PCDHGA6: variants seen among roughly 807,000 people sequenced by gnomAD.
PCDHGA6 encodes protocadherin gamma subfamily A, 6, also known as protocadherin gamma-A6.
PCDHGA6 carries 41 observed loss-of-function variants against 60.6 expected under a neutral mutation model. That is an observed-to-expected ratio of 0.68 (90% CI 0.53 to 0.88). The LOEUF (loss-of-function observed/expected upper bound fraction) is 0.88. Ranked by LOEUF, PCDHGA6 falls within the 40% of genes least tolerant of loss-of-function variation. The probability of loss-of-function intolerance (pLI) is 0.00; values close to 1 mark genes in which losing one functional copy is unlikely to be tolerated. For synonymous variants in PCDHGA6, 594 were observed against 524.4 expected (o/e 1.13, Z -1.81); for missense variants, 1,312 against 1,203.0 (o/e 1.09, Z -1.34).
intron 1 of PCDHGA6, chr5:141,404,968 G>A: frequency 6.2e-7 from 1 of 1,613,964 alleles, no homozygotes. Context: ...CAGACATCCT[G>A]GCTGACCTGG....
intron 1 of PCDHGA6, among the ~76,000 whole-genome samples, chr5:141,459,111 A>G (rs2098961190): frequency 1.3e-5 from 2 of 152,218 alleles, no homozygotes; most frequent in Non-Finnish European, 2.9e-5. Flanking sequence ...CATTTTGACA[A>G]TTGTTTACAT....
Position 141,486,601 on chromosome 5 carries a change from C to A in PCDHGA6, c.2425-8206C>A, listed in dbSNP as rs770685748. On this transcript the variant is annotated intron_variant, in intron 1 of 3. Transcript: ENST00000517434. The surrounding 1 kb of genome is among the most constrained non-coding windows in gnomAD (Gnocchi z 5.0). ...ATCGCCCAGGGGACCTGCTTTGCTCCCTTGCAGCCTCTGACCCAGACTCTG... is the reference window on the plus strand; with the variant it reads ...ATCGCCCAGGGGACCTGCTTTGCTCACTTGCAGCCTCTGACCCAGACTCTG... The A allele has an allele frequency of 1.9e-6, 3 of 1,613,558 alleles. No homozygotes were observed. The highest frequency in any genetic ancestry group is 3.3e-5 in the Admixed American group (2 of 60,026).
In PCDHGA6 at chr5:141,374,384, C is replaced by T. The variant is rs781113576; in HGVS notation, c.301C>T (p.Arg101Trp). The change falls in exon 1 of 4, where the codon CGG becomes TGG. Residue 101 changes from arginine to tryptophan, a missense_variant. By Grantham distance (101) the Arg-to-Trp change is moderately radical (BLOSUM62 -3). Transcript: ENST00000517434. ...CGAGGAGCTCTGTGCTCAGAGCCCG[C>T]GGTGTCTGGTGAGTTTTAACATCCT... ...DREELCAQSP[R>W]CLVSFNILVE... 4 of 1,613,962 alleles carry T rather than the reference C, an allele frequency of 2.5e-6. No individual in the cohort carries two copies. Among genetic ancestry groups the T allele is most frequent in the East Asian group, 2.2e-5 (1 of 44,874 alleles).
In PCDHGA6 at chr5:141,431,538, A is replaced by G; in HGVS notation, c.2424+55031A>G. ...CCGGAGAATCTGGCCTTGGGCACGC[A>G]GCTGCTTGTAGTCAACGCTACCGAC... is the stretch of plus-strand genomic sequence containing the variant. On this transcript the variant is annotated intron_variant, in intron 1 of 3. Transcript: ENST00000517434. The surrounding 1 kb of genome is among the most constrained non-coding windows in gnomAD (Gnocchi z 4.8). The G allele has an allele frequency of 6.2e-7, 1 of 1,614,114 alleles. No individual in the cohort carries two copies. Among genetic ancestry groups the G allele is most frequent in the Non-Finnish European group, 8.5e-7 (1 of 1,180,024 alleles).
chr5:141,398,203 T>C (rs1365410987), intron 1 of PCDHGA6: 2 of 1,489,610 alleles, frequency 1.3e-6, no homozygotes. Flanking sequence ...GTCTTTGTTC[T>C]GCCCGGCGCT....
intron 1 of PCDHGA6, chr5:141,419,639 G>A (rs1478835703): frequency 6.2e-7 from 1 of 1,612,442 alleles, no homozygotes; most frequent in African/African-American, 1.3e-5. Flanking sequence ...GGTGGTGGCC[G>A]TGGACGCGGA....
intron 1 of PCDHGA6, among the ~76,000 whole-genome samples, chr5:141,451,435 G>T (rs947210577): frequency 6.6e-6 from 1 of 152,234 alleles, no homozygotes; most frequent in Non-Finnish European, 1.5e-5. Flanking sequence ...AAGGGTTCCA[G>T]TTCCTTGCTG....
chr5:141,478,202 C>T, intron 1 of PCDHGA6: 1 of 1,614,074 alleles, frequency 6.2e-7, no homozygotes, highest in Non-Finnish European at 8.5e-7. Flanking sequence ...TTATCTACTT[C>T]TTTCTCTAAT....
At chr5:141,407,117 C>T (rs1412216570) in intron 1 of PCDHGA6, among the ~76,000 whole-genome samples, 1 of 152,098 alleles carries the variant, frequency 6.6e-6, no homozygotes, top group African/African-American at 2.4e-5. Flanking sequence ...ATTTGGGTTT[C>T]AGTTGCTTTA....
At chr5:141,425,173 T>A (rs182492696) in intron 1 of PCDHGA6, among the ~76,000 whole-genome samples, 5 of 152,284 alleles carry the variant, frequency 3.3e-5, no homozygotes, top group Admixed American at 3.3e-4. Context: ...GGATTTATAC[T>A]TGTGGAATTC....
At chr5:141,384,519 G>T in intron 1 of PCDHGA6, 3 of 1,614,220 alleles carry the variant, frequency 1.9e-6, no homozygotes, top group Non-Finnish European at 2.5e-6. Context: ...GCGGGGACCC[G>T]CCTCTCAGCA....
intron 1 of PCDHGA6, among the ~76,000 whole-genome samples, chr5:141,407,130 T>C (rs1218017139): frequency 1.3e-5 from 2 of 152,230 alleles, no homozygotes; most frequent in Non-Finnish European, 2.9e-5. Flanking sequence ...TTGCTTTATT[T>C]TTAAGAAAAA....
At position 141,512,881 on chromosome 5, in the gene PCDHGA6, C is replaced by T. The variant is rs1274589284; in HGVS notation, c.*1708C>T. 1.3e-5 allele frequency: 2 copies of T among 152,268 alleles called. No homozygotes were observed. Among genetic ancestry groups the T allele is most frequent in the African/African-American group, 4.8e-5 (2 of 41,458 alleles). 9.4% of individuals were successfully genotyped at this position (152,268 alleles called of 1,614,324 possible). On this transcript the variant is annotated 3_prime_UTR_variant, in exon 4 of 4. Coordinates refer to ENST00000517434, the MANE Select transcript of PCDHGA6 (RefSeq NM_018919.3). Reference sequence around the variant, plus strand: ...TCGCATAGTCACGTAGCTCCCACCCCACCCTCTTCCTGTGTCTCACGCAAG... The same window carrying T: ...TCGCATAGTCACGTAGCTCCCACCCTACCCTCTTCCTGTGTCTCACGCAAG...
intron 1 of PCDHGA6, among the ~76,000 whole-genome samples, chr5:141,492,409 C>A (rs1367119266): frequency 6.6e-6 from 1 of 152,230 alleles, no homozygotes; most frequent in Non-Finnish European, 1.5e-5. Flanking sequence ...TCCCCTCTGC[C>A]GCTCCCTCCG....
chr5:141,430,773 G>A (rs375524585), intron 1 of PCDHGA6: 2 of 1,507,932 alleles, frequency 1.3e-6, no homozygotes, highest in Non-Finnish European at 1.8e-6. Flanking sequence ...ATTCCTGCGC[G>A]ACTGCACCGG....
chr5:141,375,620 A>T lies in PCDHGA6; in HGVS notation c.1537A>T (p.Ile513Phe). 6.2e-7 allele frequency: 1 copy of T among 1,614,156 alleles called. No individual in the cohort carries two copies. Among genetic ancestry groups the T allele is most frequent in the African/African-American group, 1.3e-5 (1 of 75,056 alleles). Reference sequence around the variant, plus strand: ...CGTGTCCATCAACTCCGACACTGGGATTCTGTACGCCCTGCGCTCCTTCGA... The same window carrying T: ...CGTGTCCATCAACTCCGACACTGGGTTTCTGTACGCCCTGCGCTCCTTCGA... ...SYVSINSDTG[I>F]LYALRSFDYE... The change falls in exon 1 of 4, where the codon ATT becomes TTT. Residue 513 changes from isoleucine to phenylalanine, a missense_variant. Transcript: ENST00000517434.
intron 1 of PCDHGA6, chr5:141,409,529 G>A: frequency 6.2e-7 from 1 of 1,613,962 alleles, no homozygotes; most frequent in Middle Eastern, 1.6e-4. Context: ...CTTGTATGTC[G>A]CTGACATCAA....
chr5:141,494,773 G>C, intron 1 of PCDHGA6, 34 bp from the exon 2 acceptor site: 1 of 1,613,966 alleles, frequency 6.2e-7, no homozygotes, highest in Non-Finnish European at 8.5e-7. Context: ...CTTCTCACGG[G>C]TACTCAGCCC....
intron 1 of PCDHGA6, chr5:141,416,834 C>T (rs966016844): frequency 4.6e-5 from 7 of 151,848 alleles, no homozygotes; most frequent in Non-Finnish European, 1.0e-4. Flanking sequence ...TTCTCAAGAC[C>T]CTTATAATTC....
Sources: allele counts gnomAD v4.1 joint callset (sites outside exome capture counted in the v4.1 genomes callset), GRCh38; gene constraint gnomAD v4.1.1; non-coding constraint Gnocchi (gnomAD v3.1); transcripts MANE v1.5; gene names NCBI Gene and HGNC (gene_info 2026-07-23, HGNC 2026-07-21).